Variants in WIZ observed in about 807,000 individuals in gnomAD.
The protein encoded by WIZ is WIZ zinc finger, also known as protein Wiz.
In WIZ, 25 loss-of-function variants were observed where a neutral mutation model predicts 140.2. That is an observed-to-expected ratio of 0.18 (90% CI 0.13 to 0.25). The LOEUF (loss-of-function observed/expected upper bound fraction) is 0.25, where lower values mean the gene tolerates loss of function less well. WIZ is among the 10% of genes least tolerant of loss of function. The probability of loss-of-function intolerance (pLI) is 1.00; values close to 1 mark genes in which losing one functional copy is unlikely to be tolerated. For synonymous variants in WIZ, 1,125 were observed against 1,154.3 expected (o/e 0.97, Z 0.51); for missense variants, 2,231 against 2,632.6 (o/e 0.85, Z 3.34).
At chr19:15,445,282 G>T (rs1969878731) in intron 2 of WIZ, among the ~76,000 whole-genome samples, 1 of 152,234 alleles carries the variant, frequency 6.6e-6, no homozygotes, top group Admixed American at 6.5e-5. Flanking sequence ...AGATTCTGGA[G>T]CCAGACAGAT....
intron 4 of WIZ, among the ~76,000 whole-genome samples, chr19:15,437,343 C>T (rs993015437): frequency 2.6e-5 from 4 of 152,164 alleles, no homozygotes; most frequent in African/African-American, 9.7e-5. Flanking sequence ...CATCTGGCAA[C>T]GTCAAGGAGG....
At chr19:15,446,338 C>T (rs1460425152) in intron 2 of WIZ, among the ~76,000 whole-genome samples, 1 of 152,164 alleles carries the variant, frequency 6.6e-6, no homozygotes, top group Admixed American at 6.5e-5. Context: ...CCTGGGATCC[C>T]TAGAGCCTGT....
Position 15,425,747 on chromosome 19 carries a change from C to A in WIZ, c.4388G>T (p.Arg1463Leu), listed in dbSNP as rs1322799952. The A allele has an allele frequency of 6.3e-7, 1 of 1,597,110 alleles. No individual in the cohort carries two copies. Among genetic ancestry groups the A allele is most frequent in the African/African-American group, 1.4e-5 (1 of 73,972 alleles). ...LNLSSRAEPV[R>L]DIRCEFCGEF... ...GCCGCAGAACTCACAGCGGATGTCG[C>A]GCACCGGCTCTGCCCGGGACGCTGC... Residue 1463 changes from arginine (R) to leucine (L), a missense_variant, in exon 10 of 13, where the codon CGC becomes CTC. Arg to Leu is a moderately radical substitution (Grantham distance 102, BLOSUM62 -2). Around this residue, in one of 15 missense-constraint regions of WIZ, gnomAD observed 393 missense variants for 451.7 expected, o/e 0.87. Coordinates refer to ENST00000673675, the MANE Select transcript of WIZ (RefSeq NM_001371589.1).
rs200893760 is a variant in WIZ at position 15,427,057 on chromosome 19, C to T, written c.4291G>A (p.Ala1431Thr). The T allele has an allele frequency of 1.1e-4, 173 of 1,614,034 alleles. No homozygotes were observed. Among genetic ancestry groups the T allele is most frequent in the Non-Finnish European group, 1.2e-4 (142 of 1,180,020 alleles). The change falls in exon 9 of 13, where the codon GCC becomes ACC. Residue 1431 changes from alanine to threonine, a missense_variant. Physicochemically the swap from Ala to Thr is moderately conservative, Grantham distance 58. Coordinates refer to ENST00000673675, the MANE Select transcript of WIZ (RefSeq NM_001371589.1). The surrounding 1 kb of genome is among the most constrained non-coding windows in gnomAD (Gnocchi z 6.4). ...GATGGGTGCAGTTCCCCATGAAGGG[C>T]CCCCGGCAGCATCTCCCGCTTGATC... ...VEIKREMLPG[A>T]LHGELHPSEG... is the part of the protein sequence containing the mutation.
At chr19:15,432,885 C>T (rs1232517349) in intron 5 of WIZ, among the ~76,000 whole-genome samples, 1 of 151,916 alleles carries the variant, frequency 6.6e-6, no homozygotes, top group Non-Finnish European at 1.5e-5. Flanking sequence ...TTCGTCTGGG[C>T]CCTGAGGGCG....
At position 15,428,619 on chromosome 19, in the gene WIZ, C is replaced by T. The variant is rs1057251442; in HGVS notation, c.3416-111G>A. The T allele has an allele frequency of 7.7e-7, 1 of 1,299,266 alleles. No individual in the cohort carries two copies. Among genetic ancestry groups the T allele is most frequent in the African/African-American group, 1.5e-5 (1 of 67,660 alleles). 80.5% of individuals were successfully genotyped at this position (1,299,266 alleles called of 1,614,324 possible). A position where few individuals can be genotyped will look rare whatever the true frequency, so the allele number is the denominator to read the frequency against. On this transcript the variant is annotated intron_variant, in intron 7 of 12. Coordinates refer to ENST00000673675, the MANE Select transcript of WIZ (RefSeq NM_001371589.1). The surrounding 1 kb of genome is among the most constrained non-coding windows in gnomAD (Gnocchi z 6.4). ...TTGGCTGCTCAGGCAGTTGGGGGGTCCAAGACTCAGGCCGCAGATTTCTTT... is the reference window on the plus strand; with the variant it reads ...TTGGCTGCTCAGGCAGTTGGGGGGTTCAAGACTCAGGCCGCAGATTTCTTT...
chr19:15,425,049 G>A lies in WIZ; in HGVS notation c.4895-17C>T. 1.9e-6 allele frequency: 3 copies of A among 1,548,350 alleles called. No individual in the cohort carries two copies. The highest frequency in any genetic ancestry group is 1.7e-6 in the Non-Finnish European group (2 of 1,150,960). On this transcript the variant is annotated splice_polypyrimidine_tract_variant and intron_variant, in intron 10 of 12. Transcript: ENST00000673675. ...CCTCGGTGGCTGCGGGGCGGAGGGGGTGCTGCTGAGTCACAGCCCAAAGGG... is the reference window on the plus strand; with the variant it reads ...CCTCGGTGGCTGCGGGGCGGAGGGGATGCTGCTGAGTCACAGCCCAAAGGG...
In WIZ at chr19:15,434,336, C is replaced by T. The variant is rs187441310; in HGVS notation, c.2740+2470G>A. On this transcript the variant is annotated intron_variant, in intron 5 of 12. Transcript: ENST00000673675. Reference sequence around the variant, plus strand: ...TAGCACTTTGGGAGGCCGAGGCGGGCGGATCACAAGGTCAGGAGATCGAGA... The same window carrying T: ...TAGCACTTTGGGAGGCCGAGGCGGGTGGATCACAAGGTCAGGAGATCGAGA... Among the ~76,000 whole-genome samples the T allele has an allele frequency of 8.5e-3, 1,272 of 149,858 alleles. 21 individuals carry two copies. The highest frequency in any genetic ancestry group is 0.029 in the African/African-American group (1,189 of 40,536).
At chr19:15,429,265 A>T (rs947202600) in intron 7 of WIZ, among the ~76,000 whole-genome samples, 1 of 152,030 alleles carries the variant, frequency 6.6e-6, no homozygotes, top group Non-Finnish European at 1.5e-5. Context: ...GGTTACCTTC[A>T]CCGCCCCTAC....
intron 5 of WIZ, chr19:15,432,382 G>A (rs1356109310): frequency 1.0e-6 from 1 of 963,870 alleles, no homozygotes; most frequent in Non-Finnish European, 1.2e-6. Context: ...GGCACCGGCA[G>A]GCGGGATTCC....
rs1045118725 is a variant in WIZ at position 15,440,413 on chromosome 19, C to G, written c.581G>C (p.Gly194Ala). The G allele has an allele frequency of 7.8e-6, 12 of 1,535,752 alleles. No homozygotes were observed. The highest frequency in any genetic ancestry group is 9.6e-6 in the Non-Finnish European group (11 of 1,146,676). Residue 194 changes from glycine to alanine, a missense_variant, in exon 4 of 13, where the codon GGA (glycine) becomes GCA (alanine). By Grantham distance (60) the Gly-to-Ala change is moderately conservative. This residue lies in a region of WIZ where 307 missense variants were observed against 294.1 expected (regional missense o/e 1.04). Transcript: ENST00000673675. The surrounding 1 kb of genome is among the most constrained non-coding windows in gnomAD (Gnocchi z 6.2). ...GTGCAGCCCTGCGTCCTGGGGGGAT[C>G]CCTGCTCGTCCTCATCTTGGAGCCA... ...FDWLQDEDEQ[G>A]SPQDAGLHLD...
chr19:15,430,738 T>C (rs1284294179), intron 6 of WIZ, among the ~76,000 whole-genome samples: 1 of 76,420 alleles, frequency 1.3e-5, no homozygotes, highest in Non-Finnish European at 2.6e-5. Context: ...ATTCAGCAAA[T>C]GAGCTGGGTC....
rs780876675 is a variant in WIZ at position 15,439,228 on chromosome 19, G to C, written c.1766C>G (p.Pro589Arg). The change falls in exon 4 of 13, where the codon CCC (proline) becomes CGC (arginine). Residue 589 changes from proline to arginine, a missense_variant. Pro to Arg is a moderately radical substitution (Grantham distance 103, BLOSUM62 -2). Transcript: ENST00000673675. The surrounding 1 kb of genome is among the most constrained non-coding windows in gnomAD (Gnocchi z 7.0). Reference sequence around the variant, plus strand: ...GTTTCTCCCGAGCTGTAAGGAGTAGGGGGTGGATGCTAGTGTGGAGGGAAA... The same window carrying C: ...GTTTCTCCCGAGCTGTAAGGAGTAGCGGGTGGATGCTAGTGTGGAGGGAAA... ...LAFPSTLAST[P>R]YSLQLGRNKS... 46 of 1,535,648 alleles carry C rather than the reference G, an allele frequency of 3.0e-5. No individual in the cohort carries two copies. The African/African-American group carries it at 4.5e-4, about 15-fold the overall frequency.
At chr19:15,441,120 T>TG (rs1969729506) in intron 3 of WIZ, among the ~76,000 whole-genome samples, 1 of 152,092 alleles carries the variant, frequency 6.6e-6, no homozygotes, top group Non-Finnish European at 1.5e-5. Flanking sequence ...CAAACTGGGG[T>TG]GATTTTGCTA....
Position 15,429,806 on chromosome 19 carries a change from A to C in WIZ, c.3195T>G (p.Pro1065=). The C allele has an allele frequency of 6.6e-7, 1 of 1,526,396 alleles. No individual in the cohort carries two copies. The highest frequency in any genetic ancestry group is 8.8e-7 in the Non-Finnish European group (1 of 1,140,356). The allele number at this position is 1,526,396 out of a possible 1,614,324, so 94.6% of individuals were successfully genotyped here. Residue 1065 remains proline, a synonymous_variant, in exon 7 of 13, where the codon CCT becomes CCG. Transcript: ENST00000673675. ...GCGACTTGATGGCTTTGTTGACAGC[A>C]GGGGCATCCAAGGGCTTGGCCAGGC... The part of the protein sequence containing the change: ...LLSLAKPLDA[P]AVNKAIKSPP...
chr19:15,435,872 C>A (rs950030696), intron 5 of WIZ, among the ~76,000 whole-genome samples: 1 of 152,174 alleles, frequency 6.6e-6, no homozygotes, highest in Non-Finnish European at 1.5e-5. Flanking sequence ...CCTGTAATCC[C>A]AGCTCTTTGG....
chr19:15,435,574 C>G (rs1231428800), intron 5 of WIZ, among the ~76,000 whole-genome samples: 1 of 152,266 alleles, frequency 6.6e-6, no homozygotes, highest in East Asian at 1.9e-4. Context: ...GTGGCTTACG[C>G]CTGTAATCCC....
intron 2 of WIZ, among the ~76,000 whole-genome samples, chr19:15,444,719 C>G (rs1002887736): frequency 2.0e-5 from 3 of 152,092 alleles, no homozygotes; most frequent in African/African-American, 7.2e-5. Context: ...GAAACAGGGG[C>G]TCTAGAGAAC....
rs766176325 is a variant in WIZ at position 15,425,739 on chromosome 19, G to T, written c.4396C>A (p.Arg1466Ser). ...SSRAEPVRDI[R>S]CEFCGEFFEN... ...AAGAACTCGCCGCAGAACTCACAGC[G>T]GATGTCGCGCACCGGCTCTGCCCGG... The change falls in exon 10 of 13, where the codon CGC becomes AGC. Residue 1466 changes from arginine to serine, a missense_variant. By Grantham distance (110) the Arg-to-Ser change is moderately radical (BLOSUM62 -1). This residue lies in a region of WIZ where 393 missense variants were observed against 451.7 expected (regional missense o/e 0.87). Coordinates refer to ENST00000673675, the MANE Select transcript of WIZ (RefSeq NM_001371589.1). The T allele has an allele frequency of 3.2e-5, 51 of 1,605,016 alleles. No homozygotes were observed. Among genetic ancestry groups the T allele is most frequent in the Non-Finnish European group, 3.8e-5 (45 of 1,175,684 alleles).
Sources: allele counts gnomAD v4.1 joint callset (sites outside exome capture counted in the v4.1 genomes callset), GRCh38; gene constraint gnomAD v4.1.1; regional missense constraint gnomAD v4.1.1; non-coding constraint Gnocchi (gnomAD v3.1); transcripts MANE v1.5; gene names NCBI Gene and HGNC (gene_info 2026-07-23, HGNC 2026-07-21).